Variants in ADCK1 observed in about 807,000 individuals in gnomAD.
ADCK1 encodes aarF domain containing kinase 1.
Under a neutral mutation model 52.3 loss-of-function variants are expected in ADCK1, and 41 were observed. That is an observed-to-expected ratio of 0.78 (90% CI 0.61 to 1.02). ADCK1 has a LOEUF of 1.02. Ranked by LOEUF, ADCK1 falls within the 50% of genes least tolerant of loss-of-function variation. The pLI, the probability that ADCK1 is intolerant of heterozygous loss-of-function variation, is 0.00. For synonymous variants in ADCK1, 250 were observed against 274.6 expected (o/e 0.91, Z 0.89); for missense variants, 658 against 679.5 (o/e 0.97, Z 0.35).
intron 3 of ADCK1, among the ~76,000 whole-genome samples, chr14:77,823,137 A>G (rs947205162): frequency 2.6e-5 from 4 of 152,166 alleles, no homozygotes; most frequent in African/African-American, 9.6e-5. Flanking sequence ...TGATGTTGAT[A>G]TGTGTTTAGA....
intron 2 of ADCK1, 69 bp from the exon 3 acceptor site, chr14:77,822,366 A>G (rs9323652): frequency 0.15 from 199,648 of 1,296,720 alleles, 17,158 homozygotes; most frequent in African/African-American, 0.3. Flanking sequence ...CCTGTACTGC[A>G]AGGTTTGGGC....
intron 3 of ADCK1, among the ~76,000 whole-genome samples, chr14:77,832,118 C>G (rs1417782580): frequency 6.6e-6 from 1 of 152,168 alleles, no homozygotes; most frequent in Non-Finnish European, 1.5e-5. Context: ...GCTGGGACTA[C>G]TGGCGCATGC....
Position 77,931,695 on chromosome 14 carries a change from A to G in ADCK1, c.1384A>G (p.Ile462Val). 1 of 1,604,214 alleles carries G rather than the reference A, an allele frequency of 6.2e-7. No individual in the cohort carries two copies. The highest frequency in any genetic ancestry group is 8.5e-7 in the Non-Finnish European group (1 of 1,179,918). Reference sequence around the variant, plus strand: ...CTTTCTCAACATGTCACGTTGCTGCATCAGAGCGCTAGCTGAGTGAGTGTG... The same window carrying G: ...CTTTCTCAACATGTCACGTTGCTGCGTCAGAGCGCTAGCTGAGTGAGTGTG... ...SSFLNMSRCC[I>V]RALAEHKKKN... Residue 462 changes from isoleucine to valine, a missense_variant, in exon 10 of 11, where the codon ATC (isoleucine) becomes GTC (valine). Physicochemically the swap from Ile to Val is conservative, Grantham distance 29. Transcript: ENST00000238561.
chr14:77,858,844 C>A (rs1049425392), intron 3 of ADCK1, among the ~76,000 whole-genome samples: 3 of 152,230 alleles, frequency 2.0e-5, no homozygotes, highest in African/African-American at 7.2e-5. Context: ...ATAGGAAGCA[C>A]TGGGCCGTGT....
intron 6 of ADCK1, among the ~76,000 whole-genome samples, chr14:77,904,220 G>A (rs1443385925): frequency 6.6e-6 from 1 of 152,238 alleles, no homozygotes; most frequent in African/African-American, 2.4e-5. Context: ...GCAGCTGCTA[G>A]TGTCTGGTTC....
intron 3 of ADCK1, among the ~76,000 whole-genome samples, chr14:77,848,936 C>T (rs1327629543): frequency 6.6e-6 from 1 of 152,060 alleles, no homozygotes; most frequent in Non-Finnish European, 1.5e-5. Flanking sequence ...CGTCATTCTC[C>T]TGCCTCAGCC....
At chr14:77,898,356 A>G (rs2083455630) in intron 5 of ADCK1, among the ~76,000 whole-genome samples, 1 of 152,220 alleles carries the variant, frequency 6.6e-6, no homozygotes, top group Non-Finnish European at 1.5e-5. Flanking sequence ...TGCTTAGTTT[A>G]CTATTCGCAG....
intron 1 of ADCK1, among the ~76,000 whole-genome samples, chr14:77,811,583 G>A (rs1182191356): frequency 6.6e-6 from 1 of 152,188 alleles, no homozygotes; most frequent in Non-Finnish European, 1.5e-5. Context: ...GAGGTGGGAA[G>A]ATTGAGTCCA....
intron 1 of ADCK1, among the ~76,000 whole-genome samples, chr14:77,807,451 C>A (rs1332833220): frequency 6.6e-6 from 1 of 151,848 alleles, no homozygotes; most frequent in Non-Finnish European, 1.5e-5. Context: ...AAGTGATTCT[C>A]CTGCCTCAGC....
At chr14:77,878,654 C>T (rs2082951112) in intron 4 of ADCK1, among the ~76,000 whole-genome samples, 1 of 152,220 alleles carries the variant, frequency 6.6e-6, no homozygotes. Flanking sequence ...CCTGCCTGGC[C>T]TGGGCCCTGG....
At chr14:77,870,984 C>T (rs1241842759) in intron 4 of ADCK1, among the ~76,000 whole-genome samples, 7 of 152,250 alleles carry the variant, frequency 4.6e-5, no homozygotes, top group Non-Finnish European at 7.3e-5. Context: ...TGTTCTTCCT[C>T]GTGGCAGTCC....
At chr14:77,815,811 C>G (rs1444816322) in intron 1 of ADCK1, among the ~76,000 whole-genome samples, 1 of 143,802 alleles carries the variant, frequency 7.0e-6, no homozygotes, top group Non-Finnish European at 1.5e-5. Context: ...GCCACCGCAC[C>G]TGGCTTTTTT....
intron 4 of ADCK1, among the ~76,000 whole-genome samples, chr14:77,860,824 G>A (rs148119373): frequency 1.3e-5 from 2 of 152,352 alleles, no homozygotes; most frequent in Non-Finnish European, 2.9e-5. Flanking sequence ...ATAAATCACG[G>A]TAATAACAGT....
intron 9 of ADCK1, among the ~76,000 whole-genome samples, chr14:77,926,450 G>T (rs2084195819): frequency 6.6e-6 from 1 of 152,218 alleles, no homozygotes; most frequent in African/African-American, 2.4e-5. Flanking sequence ...TCAAGCAGGG[G>T]TGCTCATCTC....
At chr14:77,848,518 T>A (rs1323434413) in intron 3 of ADCK1, among the ~76,000 whole-genome samples, 1 of 152,184 alleles carries the variant, frequency 6.6e-6, no homozygotes, top group Non-Finnish European at 1.5e-5. Context: ...CAGACTGGAG[T>A]ACAGTGGTGC....
intron 7 of ADCK1, among the ~76,000 whole-genome samples, chr14:77,921,326 C>CAAAAAAAAAAAACAAAAA (rs2084048662): frequency 2.4e-5 from 1 of 41,208 alleles, no homozygotes; most frequent in African/African-American, 6.9e-5. Flanking sequence ...GACTCTGTCT[C>CAAAAAAAAAAAACAAAAA]AAAAAAAAAA....
Position 77,857,779 on chromosome 14 carries a change from C to T in ADCK1, c.220-1297C>T, listed in dbSNP as rs544183480. Among the ~76,000 whole-genome samples, 6 of 152,324 alleles carry T rather than the reference C, an allele frequency of 3.9e-5. No homozygotes were observed. In the South Asian group the frequency reaches 1.0e-3, roughly 26 times the overall value. ...CCCCCAATATGTGTTATTACATCAG[C>T]GTCCTACGTGGCACTGAAGAGTATA... On this transcript the variant is annotated intron_variant, in intron 3 of 10. Transcript: ENST00000238561.
intron 9 of ADCK1, among the ~76,000 whole-genome samples, chr14:77,929,772 T>G (rs939794028): frequency 6.6e-6 from 1 of 152,172 alleles, no homozygotes; most frequent in African/African-American, 2.4e-5. Flanking sequence ...GTTCAAGTGG[T>G]TCTCCTGCCT....
At chr14:77,889,894 A>AAC (rs2083244795) in intron 5 of ADCK1, among the ~76,000 whole-genome samples, 1 of 151,438 alleles carries the variant, frequency 6.6e-6, no homozygotes, top group African/African-American at 2.4e-5. Flanking sequence ...GTTAAAAAAA[A>AAC]AAAAAAAAAA....
Sources: allele counts gnomAD v4.1 joint callset (sites outside exome capture counted in the v4.1 genomes callset), GRCh38; gene constraint gnomAD v4.1.1; transcripts MANE v1.5; gene names NCBI Gene and HGNC (gene_info 2026-07-23, HGNC 2026-07-21).